TTLL11: variants seen among roughly 807,000 people sequenced by gnomAD.
TTLL11 encodes the protein tubulin polyglutamylase TTLL11.
TTLL11 carries 42 observed loss-of-function variants against 51.7 expected under a neutral mutation model. That is an observed-to-expected ratio of 0.81 (90% CI 0.64 to 1.05). TTLL11 has a LOEUF of 1.05. Ranked by LOEUF, TTLL11 falls within the 50% of genes least tolerant of loss-of-function variation. TTLL11 has a pLI of 0.00. For missense variants in TTLL11, 799 were observed against 940.4 expected (o/e 0.85, Z 1.97); for synonymous variants, 381 against 383.5 (o/e 0.99, Z 0.08).
intron 6 of TTLL11, among the ~76,000 whole-genome samples, chr9:121,955,728 A>T (rs1841996870): frequency 6.6e-6 from 1 of 152,218 alleles, no homozygotes; most frequent in Admixed American, 6.5e-5. Flanking sequence ...ATTTCCAGCA[A>T]GGACATTTAT....
At chr9:122,077,710 A>T (rs1209345519) in intron 1 of TTLL11, among the ~76,000 whole-genome samples, 2 of 152,216 alleles carry the variant, frequency 1.3e-5, no homozygotes, top group East Asian at 3.9e-4. Context: ...GCAATTCATA[A>T]GTTAATCTAA....
At chr9:121,891,207 G>A (rs1289293512) in intron 6 of TTLL11, among the ~76,000 whole-genome samples, 1 of 152,206 alleles carries the variant, frequency 6.6e-6, no homozygotes, top group African/African-American at 2.4e-5. Context: ...GGGATTCTAA[G>A]CGCTGTTCAC....
At position 121,871,045 on chromosome 9, in the gene TTLL11, T is replaced by C. The variant is rs920115754; in HGVS notation, c.1482-297A>G. Among the ~76,000 whole-genome samples the C allele has an allele frequency of 4.6e-5, 7 of 152,224 alleles. No homozygotes were observed. The South Asian group carries it at 8.3e-4, about 18-fold the overall frequency. On this transcript the variant is annotated intron_variant, in intron 6 of 8. Coordinates refer to ENST00000321582, the MANE Select transcript of TTLL11 (RefSeq NM_001139442.2). ...CATGATTCAACGGAATACTCTGTTATGTAGCAGTCTGGATTTGATTTCAAA... is the reference window on the plus strand; with the variant it reads ...CATGATTCAACGGAATACTCTGTTACGTAGCAGTCTGGATTTGATTTCAAA...
intron 8 of TTLL11, among the ~76,000 whole-genome samples, chr9:121,850,543 G>T (rs1377322554): frequency 6.6e-6 from 1 of 152,206 alleles, no homozygotes; most frequent in Non-Finnish European, 1.5e-5. Context: ...GAGCAGTGAA[G>T]GGGGAGGAGT....
chr9:121,826,559 A>ATATATATATATATATATATGTG (rs1564260654), intron 8 of TTLL11, among the ~76,000 whole-genome samples: 1 of 88,754 alleles, frequency 1.1e-5, no homozygotes, highest in African/African-American at 5.6e-5. Context: ...ATGTGTGTGT[A>ATATATATATATATATATATGTG]TATATATATA....
At chr9:122,024,117 A>G (rs569249780) in intron 3 of TTLL11, among the ~76,000 whole-genome samples, 1 of 152,302 alleles carries the variant, frequency 6.6e-6, no homozygotes, top group African/African-American at 2.4e-5. Context: ...AGGATACAAG[A>G]TCAATACACA....
At chr9:121,914,170 A>T (rs1840240930) in intron 6 of TTLL11, among the ~76,000 whole-genome samples, 1 of 152,224 alleles carries the variant, frequency 6.6e-6, no homozygotes. Context: ...GGGTCAAACC[A>T]ATTTGCAATC....
intron 6 of TTLL11, among the ~76,000 whole-genome samples, chr9:121,873,760 C>T (rs1356696925): frequency 1.3e-5 from 2 of 150,248 alleles, no homozygotes; most frequent in African/African-American, 4.9e-5. Flanking sequence ...GCCTAGGTAC[C>T]TGGGCTCAAA....
intron 6 of TTLL11, among the ~76,000 whole-genome samples, chr9:121,893,807 A>T (rs1285222801): frequency 6.6e-6 from 1 of 152,246 alleles, no homozygotes; most frequent in Non-Finnish European, 1.5e-5. Flanking sequence ...AGATGGAGAC[A>T]TTCTGTCAGA....
intron 1 of TTLL11, among the ~76,000 whole-genome samples, chr9:122,064,007 G>C (rs2131878030): frequency 6.7e-6 from 1 of 148,220 alleles, no homozygotes; most frequent in Middle Eastern, 3.4e-3. Context: ...TATCAGCCTG[G>C]ATTTCATAAT....
intron 4 of TTLL11, among the ~76,000 whole-genome samples, chr9:121,980,802 C>T (rs1175592466): frequency 6.6e-6 from 1 of 152,252 alleles, no homozygotes; most frequent in Admixed American, 6.5e-5. Flanking sequence ...AAATGTGGCA[C>T]ATATACGCCA....
At chr9:121,888,973 A>G (rs543270191) in intron 6 of TTLL11, among the ~76,000 whole-genome samples, 1 of 152,356 alleles carries the variant, frequency 6.6e-6, no homozygotes, top group South Asian at 2.1e-4. Context: ...TGCTTTGCCC[A>G]AGGACACATA....
intron 8 of TTLL11, among the ~76,000 whole-genome samples, chr9:121,826,517 A>ATATATATGTGTGTGTG (rs1836790661): frequency 2.1e-5 from 2 of 93,868 alleles, no homozygotes; most frequent in Non-Finnish European, 1.9e-5. Flanking sequence ...ATATATATGT[A>ATATATATGTGTGTGTG]TATATATATA....
At chr9:122,079,403 A>G (rs1184625267) in intron 1 of TTLL11, among the ~76,000 whole-genome samples, 1 of 152,048 alleles carries the variant, frequency 6.6e-6, no homozygotes, top group East Asian at 1.9e-4. Flanking sequence ...TATTTTGACA[A>G]AACCTAAGAA....
intron 6 of TTLL11, among the ~76,000 whole-genome samples, chr9:121,923,694 G>A (rs1840619741): frequency 6.6e-6 from 1 of 152,182 alleles, no homozygotes; most frequent in Non-Finnish European, 1.5e-5. Context: ...CAGAAGTTAT[G>A]AAGTTTCCAG....
intron 6 of TTLL11, among the ~76,000 whole-genome samples, chr9:121,881,397 C>T (rs897984571): frequency 2.6e-5 from 4 of 152,216 alleles, no homozygotes; most frequent in Non-Finnish European, 5.9e-5. Flanking sequence ...TCCTAATTCT[C>T]TTCTATACAC....
chr9:121,979,951 G>A (rs1225309899), intron 4 of TTLL11, among the ~76,000 whole-genome samples: 1 of 151,344 alleles, frequency 6.6e-6, no homozygotes, highest in African/African-American at 2.4e-5. Context: ...CTGCCTGAAG[G>A]CATTACTTAC....
intron 6 of TTLL11, among the ~76,000 whole-genome samples, chr9:121,963,080 C>T (rs1842288478): frequency 6.6e-6 from 1 of 152,196 alleles, no homozygotes; most frequent in African/African-American, 2.4e-5. Flanking sequence ...TGGACTTGGC[C>T]ATGCCACTCA....
At chr9:121,838,466 C>A (rs771903577) in intron 8 of TTLL11, among the ~76,000 whole-genome samples, 2 of 152,206 alleles carry the variant, frequency 1.3e-5, no homozygotes, top group Non-Finnish European at 2.9e-5. Flanking sequence ...TGCCTGTAAT[C>A]CCAGCACTTT....
Sources: allele counts gnomAD v4.1 joint callset (sites outside exome capture counted in the v4.1 genomes callset), GRCh38; gene constraint gnomAD v4.1.1; transcripts MANE v1.5; gene names NCBI Gene and HGNC (gene_info 2026-07-23, HGNC 2026-07-21).